Variants in A4GALT observed in about 807,000 individuals in gnomAD.
The protein encoded by A4GALT is lactosylceramide 4-alpha-galactosyltransferase.
For synonymous variants in A4GALT, 257 were observed against 220.7 expected, an observed-to-expected ratio of 1.16 and a Z score of -1.46; for missense variants, 512 against 486.0, an observed-to-expected ratio of 1.05 and a Z score of -0.50.
intron 1 of A4GALT, among the ~76,000 whole-genome samples, chr22:42,704,870 G>T (rs1421335874): frequency 7.0e-3 from 19 of 2,698 alleles, no homozygotes; most frequent in Non-Finnish European, 0.013. Flanking sequence ...ACATGGCAAT[G>T]GGGGGGGGCG....
At chr22:42,707,905 T>G (rs796395098) in intron 1 of A4GALT, among the ~76,000 whole-genome samples, 1 of 134,224 alleles carries the variant, frequency 7.5e-6, no homozygotes, top group Non-Finnish European at 1.6e-5. Context: ...GAGGCTGGGG[T>G]GGGAGGATCG....
Position 42,693,514 on chromosome 22 carries a change from C to A in A4GALT, c.438G>T (p.Leu146=), listed in dbSNP as rs1215596299. ...FPNVQMLPLD[L]RELFRDTPLA... ...GGGGTGTGTCCCGGAACAGCTCCCG[C>A]AGGTCCAGCGGGAGCATCTGGACAT... The change falls in exon 3 of 3, where the codon CTG becomes CTT. Residue 146 remains leucine (L), a synonymous_variant. Transcript: ENST00000642412. 6.2e-7 allele frequency: 1 copy of A among 1,613,258 alleles called. No homozygotes were observed. Among genetic ancestry groups the A allele is most frequent in the African/African-American group, 1.3e-5 (1 of 75,052 alleles).
At chr22:42,706,700 C>T (rs1163773815) in intron 1 of A4GALT, among the ~76,000 whole-genome samples, 1 of 151,392 alleles carries the variant, frequency 6.6e-6, no homozygotes, top group Non-Finnish European at 1.5e-5. Flanking sequence ...GAGGCTGAGA[C>T]AGGAGGATTA....
intron 1 of A4GALT, among the ~76,000 whole-genome samples, chr22:42,719,570 T>C (rs5758896): frequency 0.56 from 84,362 of 151,792 alleles, 24,356 homozygotes; most frequent in East Asian, 0.84. Flanking sequence ...TTTTGGGGGG[T>C]TGCAGCTATG....
At chr22:42,697,161 C>A (rs1250816467) in intron 1 of A4GALT, among the ~76,000 whole-genome samples, 1 of 152,136 alleles carries the variant, frequency 6.6e-6, no homozygotes, top group Non-Finnish European at 1.5e-5. Context: ...GCAGTGATTC[C>A]ATGAGTTAAC....
At position 42,705,916 on chromosome 22, in the gene A4GALT, T is replaced by C. The variant is rs1020236352; in HGVS notation, c.-187-10285A>G. On this transcript the variant is annotated intron_variant, in intron 1 of 2. Transcript: ENST00000642412. Reference sequence around the variant, plus strand: ...TAAAAATACGAAAATTAGCCAGGCGTGGTAATGTGTGCCTGTCATCCCAGC... The same window carrying C: ...TAAAAATACGAAAATTAGCCAGGCGCGGTAATGTGTGCCTGTCATCCCAGC... Among the ~76,000 whole-genome samples, 22 of 121,360 alleles carry C rather than the reference T, an allele frequency of 1.8e-4. 1 individual carries two copies. Among genetic ancestry groups the C allele is most frequent in the African/African-American group, 5.8e-4 (22 of 37,704 alleles). The allele number at this position is 121,360 out of a possible 152,430, so 79.6% of individuals were successfully genotyped here.
At chr22:42,710,045 G>C (rs1921542552) in intron 1 of A4GALT, among the ~76,000 whole-genome samples, 1 of 152,104 alleles carries the variant, frequency 6.6e-6, no homozygotes, top group Non-Finnish European at 1.5e-5. Context: ...CCAGGAACCA[G>C]CTTCATACTC....
In A4GALT at chr22:42,693,675, G is replaced by T. The variant is rs751524059; in HGVS notation, c.277C>A (p.Leu93Met). ...ETSDRTNPNF[L>M]FMCSVESAAR... ...GCCGACTCCACCGAGCACATGAACAGGAAGTTGGGGTTGGTCCGGTCTGAA... is the reference window on the plus strand; with the variant it reads ...GCCGACTCCACCGAGCACATGAACATGAAGTTGGGGTTGGTCCGGTCTGAA... The change falls in exon 3 of 3, where the codon CTG becomes ATG. Residue 93 changes from leucine to methionine, a missense_variant. Transcript: ENST00000642412. 1.3e-6 allele frequency: 2 copies of T among 1,593,850 alleles called. No homozygotes were observed. The highest frequency in any genetic ancestry group is 1.7e-6 in the Non-Finnish European group (2 of 1,168,322).
At chr22:42,708,545 AGAAGGAAGGAAGGAAGGAAG>A (rs560108193) in intron 1 of A4GALT, among the ~76,000 whole-genome samples, 3 of 116,498 alleles carry the variant, frequency 2.6e-5, no homozygotes, top group Non-Finnish European at 3.5e-5. Context: ...GAGGAAAGAG[AGAAGGAAGGAAGGAAGGAAG>A]GAAGGAAGGA....
intron 1 of A4GALT, among the ~76,000 whole-genome samples, chr22:42,702,281 G>A (rs5996227): frequency 0.031 from 4,732 of 151,630 alleles, 228 homozygotes; most frequent in African/African-American, 0.11. Context: ...TGCAGCCGCT[G>A]TTGAGGACTT....
chr22:42,702,571 G>C (rs954784854), intron 1 of A4GALT, among the ~76,000 whole-genome samples: 1 of 152,094 alleles, frequency 6.6e-6, no homozygotes, highest in Non-Finnish European at 1.5e-5. Flanking sequence ...TCCTGACCTC[G>C]GGTGATCCGC....
intron 2 of A4GALT, chr22:42,695,050 GGC>G (rs1930827278): frequency 6.6e-6 from 1 of 152,106 alleles, no homozygotes; most frequent in Admixed American, 6.6e-5. Flanking sequence ...CAGGCCACCT[GGC>G]TGGGGTCCCT....
chr22:42,693,388 G>A lies in A4GALT; in HGVS notation c.564C>T (p.Gly188=), dbSNP rs1402346989. The A allele has an allele frequency of 3.1e-6, 5 of 1,613,242 alleles. No individual in the cohort carries two copies. The highest frequency in any genetic ancestry group is 2.5e-6 in the Non-Finnish European group (3 of 1,180,008). Residue 188 remains glycine (G), a synonymous_variant, in exon 3 of 3, where the codon GGC becomes GGT. Coordinates refer to ENST00000642412, the MANE Select transcript of A4GALT (RefSeq NM_017436.7). ...SRIALMWKFG[G]IYLDTDFIVL... is the part of the protein sequence containing the mutation. Reference sequence around the variant, plus strand: ...CAATGAAGTCCGTGTCCAGGTAGATGCCGCCGAACTTCCACATGAGTGCGA... The same window carrying A: ...CAATGAAGTCCGTGTCCAGGTAGATACCGCCGAACTTCCACATGAGTGCGA...
Position 42,706,151 on chromosome 22 carries a change from C to T in A4GALT, c.-187-10520G>A, listed in dbSNP as rs573467476. ...CGGGCGGATCACGAGGTCAGGAGAT[C>T]GAGACCATCCTGGCTAACACGGTGA... On this transcript the variant is annotated intron_variant, in intron 1 of 2. Coordinates refer to ENST00000642412, the MANE Select transcript of A4GALT (RefSeq NM_017436.7). Among the ~76,000 whole-genome samples, 72 of 74,282 alleles carry T rather than the reference C, an allele frequency of 9.7e-4. 15 individuals carry two copies. The highest frequency in any genetic ancestry group is 4.8e-3 in the East Asian group (15 of 3,126). The allele number at this position is 74,282 out of a possible 152,430, so 48.7% of individuals were successfully genotyped here. A position where few individuals can be genotyped will look rare whatever the true frequency, so the allele number is the denominator to read the frequency against.
At chr22:42,698,990 T>C (rs1271845887) in intron 1 of A4GALT, among the ~76,000 whole-genome samples, 3 of 152,242 alleles carry the variant, frequency 2.0e-5, no homozygotes, top group South Asian at 2.1e-4. Context: ...GCATGAATAA[T>C]CCACCCCTTG....
chr22:42,715,491 G>C (rs1032359259), intron 1 of A4GALT, among the ~76,000 whole-genome samples: 7 of 152,096 alleles, frequency 4.6e-5, no homozygotes, highest in African/African-American at 1.7e-4. Context: ...GGAGGTGGAG[G>C]TGTGAGGATC....
rs1180529043 is a variant in A4GALT, at chr22:42,709,067, A to ATATATATATATTTT, written c.-188+11729_-188+11730insAAAATATATATATA. Among the ~76,000 whole-genome samples the ATATATATATATTTT allele has an allele frequency of 1.7e-3, 213 of 128,818 alleles. 1 individual carries two copies. The highest frequency in any genetic ancestry group is 3.6e-3 in the Admixed American group (46 of 12,710). 84.5% of individuals were successfully genotyped at this position (128,818 alleles called of 152,430 possible). On this transcript the variant is annotated intron_variant, in intron 1 of 2. Transcript: ENST00000642412. ...AATTTAAATATATATATATATATAT[A>ATATATATATATTTT]TTTTTTTTAAGACAGGGTCTGCTGT...
chr22:42,705,219 T>C (rs1004555343), intron 1 of A4GALT, among the ~76,000 whole-genome samples: 1 of 151,842 alleles, frequency 6.6e-6, no homozygotes, highest in Non-Finnish European at 1.5e-5. Context: ...AATTCAAATA[T>C]GGAAAAAAAT....
In A4GALT at chr22:42,709,210, C is replaced by T. The variant is rs188492863; in HGVS notation, c.-188+11587G>A. 5.3e-5 allele frequency among the ~76,000 whole-genome samples: 8 copies of T among 151,362 alleles called. No individual in the cohort carries two copies. In the East Asian group the frequency reaches 1.6e-3, roughly 29 times the overall value. On this transcript the variant is annotated intron_variant, in intron 1 of 2. Coordinates refer to ENST00000642412, the MANE Select transcript of A4GALT (RefSeq NM_017436.7). ...GAGTAGCTGGGACTACAGGCACATG[C>T]CACCATACCAGGTTCATTTTTAGTA...
Sources: allele counts gnomAD v4.1 joint callset (sites outside exome capture counted in the v4.1 genomes callset), GRCh38; gene constraint gnomAD v4.1.1; transcripts MANE v1.5; gene names NCBI Gene and HGNC (gene_info 2026-07-23, HGNC 2026-07-21).